Variants in OCA2 observed in about 807,000 individuals in gnomAD.
OCA2 encodes P protein.
In OCA2, 77 loss-of-function variants were observed where a neutral mutation model predicts 100.2. The ratio of observed to expected loss-of-function variants is 0.77; its 90% confidence interval spans 0.64 to 0.93. The LOEUF (loss-of-function observed/expected upper bound fraction) is 0.93. OCA2 is among the 40% of genes least tolerant of loss of function. OCA2 has a pLI of 0.00. For synonymous variants in OCA2, 432 were observed against 439.2 expected (o/e 0.98, Z 0.21); for missense variants, 1,062 against 1,089.1 (o/e 0.98, Z 0.35).
intron 14 of OCA2, among the ~76,000 whole-genome samples, chr15:27,979,092 A>C (rs1224501555): frequency 6.6e-6 from 1 of 152,216 alleles, no homozygotes; most frequent in East Asian, 1.9e-4. Context: ...AATGGTGCAA[A>C]AGCATCTCAA....
At chr15:27,913,896 C>A (rs8025922) in intron 19 of OCA2, among the ~76,000 whole-genome samples, 13,542 of 32,996 alleles carry the variant, frequency 0.41, 2,305 homozygotes, top group East Asian at 0.48. Context: ...AGAAAGAAAG[C>A]AAGCAAGCAA....
At chr15:27,727,848 G>A in the OCA2 span, among the ~76,000 whole-genome samples, 15 of 152,170 alleles carry the variant, frequency 9.9e-5, no homozygotes, top group African/African-American at 2.2e-4. Context: ...ACACCCAAAC[G>A]GAGAGTGTCC....
chr15:27,921,637 C>T (rs1001385166), intron 19 of OCA2, among the ~76,000 whole-genome samples: 2 of 152,192 alleles, frequency 1.3e-5, no homozygotes, highest in African/African-American at 4.8e-5. Flanking sequence ...CAGATCTTAA[C>T]TACTAACAGC....
rs28546555 is a variant in OCA2, at chr15:28,024,696, C to T, written c.573+149G>A. On this transcript the variant is annotated intron_variant, in intron 5 of 23. Transcript: ENST00000354638. ...CCCCTCAGCCCGCTGCCCCACAACC[C>T]TCAGCATCTCCTCCAAAGACAGTCA... is the stretch of plus-strand genomic sequence containing the variant. 26,814 of 867,488 alleles carry T rather than the reference C, an allele frequency of 0.031. 3,530 individuals carry two copies. In the African/African-American group the frequency reaches 0.33, roughly 11 times the overall value. The allele number at this position is 867,488 out of a possible 1,614,324, so 53.7% of individuals were successfully genotyped here.
the OCA2 span, among the ~76,000 whole-genome samples, chr15:27,726,320 T>TAAATAAATAAAC: frequency 7.7e-6 from 1 of 130,066 alleles, no homozygotes; most frequent in African/African-American, 4.7e-5. Flanking sequence ...AATAAATAAA[T>TAAATAAATAAAC]AAATAAATAA....
intron 23 of OCA2, among the ~76,000 whole-genome samples, chr15:27,831,034 T>C (rs2034928764): frequency 6.6e-6 from 1 of 152,172 alleles, no homozygotes; most frequent in South Asian, 2.1e-4. Context: ...ACGCCTGTAA[T>C]TTCAGCACTT....
intron 23 of OCA2, among the ~76,000 whole-genome samples, chr15:27,825,148 G>T (rs1373271898): frequency 6.6e-6 from 1 of 152,144 alleles, no homozygotes; most frequent in Non-Finnish European, 1.5e-5. Flanking sequence ...GTGATTGCTT[G>T]GTGAGTTGAC....
chr15:27,939,926 C>T (rs564425500), intron 18 of OCA2, among the ~76,000 whole-genome samples: 4 of 152,310 alleles, frequency 2.6e-5, no homozygotes, highest in Admixed American at 1.3e-4. Flanking sequence ...CTGTGGTCCT[C>T]GGGAACCACC....
chr15:28,027,325 T>C (rs914031962), intron 4 of OCA2, among the ~76,000 whole-genome samples: 11 of 152,140 alleles, frequency 7.2e-5, no homozygotes, highest in Non-Finnish European at 1.3e-4. Flanking sequence ...ACTTTCTCTA[T>C]GCAACTCTGC....
intron 23 of OCA2, among the ~76,000 whole-genome samples, chr15:27,788,299 T>C (rs920588098): frequency 4.6e-5 from 7 of 152,120 alleles, no homozygotes; most frequent in Non-Finnish European, 2.9e-5. Flanking sequence ...CTAGTTGCTA[T>C]ATCCATTATT....
At chr15:27,908,667 G>A (rs141261560) in intron 19 of OCA2, among the ~76,000 whole-genome samples, 12 of 152,248 alleles carry the variant, frequency 7.9e-5, no homozygotes, top group Admixed American at 2.6e-4. Flanking sequence ...CTTCCTTCTC[G>A]CTCTTCCTCC....
At chr15:27,868,889 TA>T in intron 21 of OCA2, among the ~76,000 whole-genome samples, 1 of 152,324 alleles carries the variant, frequency 6.6e-6, no homozygotes, top group Admixed American at 6.5e-5. Context: ...TACAGCTTTT[TA>T]AAAAATGTGG....
rs1023371397 is a variant in OCA2 at position 27,805,344 on chromosome 15, C to T, written c.2432+39615G>A. On this transcript the variant is annotated intron_variant, in intron 23 of 23. Transcript: ENST00000354638. ...AGGGGCTGCTCCCGCAGGCAGGGAA[C>T]CGCGAAGGAGGCCTGGGCTGGGCTG... Among the ~76,000 whole-genome samples, 3 of 152,264 alleles carry T rather than the reference C, an allele frequency of 2.0e-5. 1 individual carries two copies. Among genetic ancestry groups the T allele is most frequent in the Non-Finnish European group, 4.4e-5 (3 of 68,048 alleles).
chr15:28,000,222 C>T (rs1181222486), intron 9 of OCA2, among the ~76,000 whole-genome samples: 1 of 152,168 alleles, frequency 6.6e-6, no homozygotes, highest in East Asian at 1.9e-4. Flanking sequence ...TATTACACAT[C>T]TATAGCAATC....
intron 2 of OCA2, among the ~76,000 whole-genome samples, chr15:28,035,848 C>G (rs555087316): frequency 6.7e-6 from 1 of 150,208 alleles, no homozygotes; most frequent in East Asian, 2.0e-4. Context: ...AAGGAAATTA[C>G]AGAAGATAAC....
chr15:27,981,301 G>A (rs557866420), intron 14 of OCA2, among the ~76,000 whole-genome samples: 2 of 152,190 alleles, frequency 1.3e-5, no homozygotes, highest in South Asian at 2.1e-4. Context: ...CCTGTTCTAC[G>A]TTAGTTTCAA....
intron 16 of OCA2, among the ~76,000 whole-genome samples, chr15:27,956,349 C>CA (rs1298962470): frequency 6.6e-6 from 1 of 152,080 alleles, no homozygotes; most frequent in Non-Finnish European, 1.5e-5. Context: ...AACTCCGTCT[C>CA]AAAAAAATAA....
chr15:27,748,632 C>T, the OCA2 span, among the ~76,000 whole-genome samples: 1 of 152,182 alleles, frequency 6.6e-6, no homozygotes, highest in Admixed American at 6.5e-5. Flanking sequence ...ATATATAGAT[C>T]ATCTGTCATG....
chr15:28,048,865 G>T (rs927628898), intron 2 of OCA2, among the ~76,000 whole-genome samples: 10 of 152,012 alleles, frequency 6.6e-5, no homozygotes, highest in African/African-American at 2.4e-4. Context: ...AATTAGTGAG[G>T]CATGGTGGCA....
Sources: gnomAD v4.1 joint callset for allele counts (sites outside exome capture counted in the v4.1 genomes callset) on GRCh38, gnomAD v4.1.1 for gene constraint, MANE v1.5 for transcripts, NCBI Gene and HGNC (gene_info 2026-07-23, HGNC 2026-07-21) for gene names.